Variants in ZMYND8 observed in about 807,000 individuals in gnomAD.
The protein encoded by ZMYND8 is MYND-type zinc finger-containing chromatin reader ZMYND8.
Under a neutral mutation model 140.8 loss-of-function variants are expected in ZMYND8, and 37 were observed. The observed-to-expected ratio is 0.26, with a 90% CI of 0.20 to 0.35. The LOEUF is 0.35. Ranked by LOEUF, ZMYND8 falls within the 10% of genes least tolerant of loss-of-function variation. The probability of loss-of-function intolerance (pLI) is 1.00; values close to 1 mark genes in which losing one functional copy is unlikely to be tolerated. For missense variants in ZMYND8, 1,068 were observed against 1,570.0 expected (o/e 0.68, Z 5.40); for synonymous variants, 592 against 597.1 (o/e 0.99, Z 0.12).
intron 12 of ZMYND8, among the ~76,000 whole-genome samples, chr20:47,261,591 TC>T (rs1345531581): frequency 3.0e-4 from 24 of 79,732 alleles, no homozygotes; most frequent in African/African-American, 7.5e-4. Context: ...ATCATCATCA[TC>T]ATCCAGGGAA....
chr20:47,309,384 C>T (rs2078744104), intron 3 of ZMYND8, among the ~76,000 whole-genome samples: 1 of 152,064 alleles, frequency 6.6e-6, no homozygotes, highest in Admixed American at 6.5e-5. Flanking sequence ...CGGCTCACTG[C>T]AACCTCCGCC....
chr20:47,292,780 C>T (rs1270856787), intron 5 of ZMYND8, among the ~76,000 whole-genome samples: 1 of 152,034 alleles, frequency 6.6e-6, no homozygotes, highest in East Asian at 1.9e-4. Context: ...GGCCAGGCGC[C>T]GTGACTCATG....
rs140679234 is a variant in ZMYND8 at position 47,311,470 on chromosome 20, A to G, written c.86-1266T>C. On this transcript the variant is annotated intron_variant, in intron 2 of 22. Transcript: ENST00000471951. ...CGAGATCAAGACCAGCTGGGCCAAC[A>G]TGGTAAAACCAGTCCTCTGTTTGCA... Among the ~76,000 whole-genome samples, 6 of 151,888 alleles carry G rather than the reference A, an allele frequency of 4.0e-5. No individual in the cohort carries two copies. In the East Asian group the frequency reaches 1.2e-3, roughly 29 times the overall value.
chr20:47,226,742 CT>C (rs1462288055), intron 18 of ZMYND8, among the ~76,000 whole-genome samples: 2 of 152,208 alleles, frequency 1.3e-5, no homozygotes, highest in East Asian at 3.8e-4. Context: ...GCACTGCAGC[CT>C]TAACTTCTCA....
chr20:47,222,468 G>A (rs1421530244), intron 19 of ZMYND8, among the ~76,000 whole-genome samples: 3 of 152,210 alleles, frequency 2.0e-5, no homozygotes, highest in African/African-American at 7.2e-5. Context: ...CCCGGGAGGC[G>A]GAGCTTGCAG....
chr20:47,302,896 C>T (rs1053841199), intron 3 of ZMYND8, among the ~76,000 whole-genome samples: 3 of 152,300 alleles, frequency 2.0e-5, no homozygotes, highest in African/African-American at 7.2e-5. Context: ...GGCACAGGCT[C>T]TCAATCTTGG....
intron 11 of ZMYND8, among the ~76,000 whole-genome samples, chr20:47,267,005 T>G (rs2075576386): frequency 6.6e-6 from 1 of 152,150 alleles, no homozygotes; most frequent in Admixed American, 6.6e-5. Context: ...TAGAAACAAC[T>G]GACTGTCCAT....
chr20:47,304,269 T>C (rs915436824), intron 3 of ZMYND8, among the ~76,000 whole-genome samples: 2 of 152,214 alleles, frequency 1.3e-5, no homozygotes, highest in Non-Finnish European at 2.9e-5. Flanking sequence ...CCTGTCTATT[T>C]GCTTCTGGAA....
intron 2 of ZMYND8, chr20:47,318,978 G>A: frequency 1.5e-6 from 2 of 1,351,586 alleles, no homozygotes; most frequent in South Asian, 2.3e-5. Flanking sequence ...CGGCTGCTCA[G>A]AGGGCCTAGC....
At chr20:47,287,015 C>T (rs2076965456) in intron 8 of ZMYND8, among the ~76,000 whole-genome samples, 1 of 152,164 alleles carries the variant, frequency 6.6e-6, no homozygotes, top group African/African-American at 2.4e-5. Context: ...AAATCCTTTC[C>T]ATCTCCCTTA....
chr20:47,298,086 C>T lies in ZMYND8; in HGVS notation c.453+643G>A, dbSNP rs1219069446. 6.6e-6 allele frequency among the ~76,000 whole-genome samples: 1 copy of T among 152,184 alleles called. No homozygotes were observed. Among genetic ancestry groups the T allele is most frequent in the Non-Finnish European group, 1.5e-5 (1 of 68,034 alleles). ...GAAAACACCTTGCACTCCCTTGGACCTCCTATTCCCATCCTGAATTTGTTT... is the reference window on the plus strand; with the variant it reads ...GAAAACACCTTGCACTCCCTTGGACTTCCTATTCCCATCCTGAATTTGTTT... On this transcript the variant is annotated intron_variant, in intron 4 of 22. Coordinates refer to ENST00000471951, the MANE Select transcript of ZMYND8 (RefSeq NM_001281775.3). The surrounding 1 kb of genome is among the most constrained non-coding windows in gnomAD (Gnocchi z 5.0).
Position 47,239,120 on chromosome 20 carries a change from G to A in ZMYND8, c.2303C>T (p.Pro768Leu). 3 of 1,499,934 alleles carry A rather than the reference G, an allele frequency of 2.0e-6. No individual in the cohort carries two copies. Among genetic ancestry groups the A allele is most frequent in the Admixed American group, 2.3e-5 (1 of 44,314 alleles). 92.9% of individuals were successfully genotyped at this position (1,499,934 alleles called of 1,614,324 possible). A position where few individuals can be genotyped will look rare whatever the true frequency, so the allele number is the denominator to read the frequency against. ...AGAATGGCTGCCCACCGTCGTGGAT[G>A]GTGGAGTTTTACCTACAACTAGCCA... is the stretch of plus-strand genomic sequence containing the variant. ...PKQDVVGKTP[P>L]STTVGSHSPP... The change falls in exon 15 of 23, where the codon CCA becomes CTA. Residue 768 changes from proline to leucine, a missense_variant. Pro to Leu is a moderately conservative substitution (Grantham distance 98). Coordinates refer to ENST00000471951, the MANE Select transcript of ZMYND8 (RefSeq NM_001281775.3).
Position 47,210,632 on chromosome 20 carries a change from A to C in ZMYND8, c.*129T>G, listed in dbSNP as rs1256633088. 2.0e-6 allele frequency: 3 copies of C among 1,513,724 alleles called. No homozygotes were observed. Among genetic ancestry groups the C allele is most frequent in the Non-Finnish European group, 2.7e-6 (3 of 1,095,862 alleles). The allele number at this position is 1,513,724 out of a possible 1,614,324, so 93.8% of individuals were successfully genotyped here. On this transcript the variant is annotated 3_prime_UTR_variant, in exon 23 of 23. Transcript: ENST00000471951. ...GTAGCAGCCCCCGCGCCGGGGGCTC[A>C]GGCTCAACTGAGGGTTTTGTCATTT... is the stretch of plus-strand genomic sequence containing the variant.
At chr20:47,329,236 A>G (rs1326967375) in intron 2 of ZMYND8, among the ~76,000 whole-genome samples, 1 of 152,118 alleles carries the variant, frequency 6.6e-6, no homozygotes, top group Non-Finnish European at 1.5e-5. Context: ...CCATTAATCT[A>G]CTAAGGCTAC....
chr20:47,271,615 T>C (rs1239559830), intron 11 of ZMYND8, among the ~76,000 whole-genome samples: 1 of 152,188 alleles, frequency 6.6e-6, no homozygotes, highest in Non-Finnish European at 1.5e-5. Flanking sequence ...TATAACCACA[T>C]ATAAAAAGCG....
intron 6 of ZMYND8, 114 bp from the exon 7 acceptor site, chr20:47,290,388 T>C (rs1601633655): frequency 2.5e-6 from 2 of 801,488 alleles, no homozygotes; most frequent in East Asian, 2.8e-5. Flanking sequence ...CAATTAGTGT[T>C]CTTCTATTCA....
chr20:47,267,612 G>A (rs1204274201), intron 11 of ZMYND8, among the ~76,000 whole-genome samples: 1 of 152,016 alleles, frequency 6.6e-6, no homozygotes, highest in Admixed American at 6.6e-5. Flanking sequence ...CTTCTTCCAG[G>A]GCACTCTCCA....
At chr20:47,340,909 C>T (rs1396345353) in intron 2 of ZMYND8, among the ~76,000 whole-genome samples, 1 of 151,804 alleles carries the variant, frequency 6.6e-6, no homozygotes, top group African/African-American at 2.4e-5. Context: ...GGATAGAGGA[C>T]GCTCTGGATG....
intron 11 of ZMYND8, among the ~76,000 whole-genome samples, chr20:47,273,500 C>T (rs990260087): frequency 1.9e-4 from 29 of 152,256 alleles, no homozygotes; most frequent in African/African-American, 6.7e-4. Context: ...GAGCCGAGAT[C>T]GTGGCACTGC....
Sources: allele counts gnomAD v4.1 joint callset (sites outside exome capture counted in the v4.1 genomes callset), GRCh38; gene constraint gnomAD v4.1.1; non-coding constraint Gnocchi (gnomAD v3.1); transcripts MANE v1.5; gene names NCBI Gene and HGNC (gene_info 2026-07-23, HGNC 2026-07-21).